SLC35F3: variants seen among roughly 807,000 people sequenced by gnomAD.
The protein encoded by SLC35F3 is solute carrier family 35 member F3.
Under a neutral mutation model 49.9 loss-of-function variants are expected in SLC35F3, and 25 were observed. The observed-to-expected ratio is 0.50, with a 90% CI of 0.37 to 0.70. The LOEUF is 0.70. Among genes scored for constraint, SLC35F3 ranks in the 30% least tolerant of loss-of-function variants. SLC35F3 has a pLI of 0.00. For missense variants in SLC35F3, 525 were observed against 639.8 expected, an observed-to-expected ratio of 0.82 and a Z score of 1.94; for synonymous variants, 275 against 265.4, an observed-to-expected ratio of 1.04 and a Z score of -0.35.
chr1:234,153,721 G>T (rs1282415665), intron 2 of SLC35F3, among the ~76,000 whole-genome samples: 1 of 152,104 alleles, frequency 6.6e-6, no homozygotes, highest in Admixed American at 6.5e-5. Flanking sequence ...GAGCCTAGGA[G>T]TTTGATACCA....
chr1:233,994,159 A>T (rs945231252), intron 2 of SLC35F3, among the ~76,000 whole-genome samples: 1 of 152,238 alleles, frequency 6.6e-6, no homozygotes, highest in African/African-American at 2.4e-5. Flanking sequence ...ATGCAGAGAC[A>T]GGCCAGTGGA....
At chr1:234,258,144 G>C (rs559286614) in intron 3 of SLC35F3, among the ~76,000 whole-genome samples, 1 of 152,324 alleles carries the variant, frequency 6.6e-6, no homozygotes, top group South Asian at 2.1e-4. Flanking sequence ...AAGCTTGGAG[G>C]CTATCTTCAA....
Position 234,323,324 on chromosome 1 carries a change from T to TATGTAC in SLC35F3, c.*82_*83insTGTACA. 2.4e-6 allele frequency: 3 copies of TATGTAC among 1,227,058 alleles called. No homozygotes were observed. Among genetic ancestry groups the TATGTAC allele is most frequent in the Non-Finnish European group, 3.5e-6 (3 of 866,014 alleles). 76.0% of individuals were successfully genotyped at this position (1,227,058 alleles called of 1,614,324 possible). The stretch of plus-strand genomic sequence containing the variant: ...GAACCTCAGTTGGGTAAGGTGTACA[T>TATGTAC]ACCTGTACAGTTTTGGTCATCTGCG... On this transcript the variant is annotated 3_prime_UTR_variant, in exon 8 of 8. Transcript: ENST00000366618. This position sits in a 1 kb window ranked among gnomAD's most constrained non-coding sequence, Gnocchi z 4.5.
chr1:234,187,483 G>T (rs1264741020), intron 2 of SLC35F3, among the ~76,000 whole-genome samples: 1 of 152,188 alleles, frequency 6.6e-6, no homozygotes, highest in African/African-American at 2.4e-5. Context: ...TCTGCTCCAA[G>T]AACTACTGCA....
intron 2 of SLC35F3, among the ~76,000 whole-genome samples, chr1:234,114,733 T>G (rs1665458674): frequency 6.6e-6 from 1 of 152,190 alleles, no homozygotes; most frequent in African/African-American, 2.4e-5. Context: ...TCTTGGACAT[T>G]TGGGGAAGAG....
chr1:234,113,191 C>G (rs746844835), intron 2 of SLC35F3, among the ~76,000 whole-genome samples: 2 of 152,216 alleles, frequency 1.3e-5, no homozygotes, highest in Non-Finnish European at 2.9e-5. Flanking sequence ...CATTTGTCCT[C>G]TCCGTCCAAC....
Position 234,214,724 on chromosome 1 carries a change from C to G in SLC35F3, c.284-16693C>G. On this transcript the variant is annotated intron_variant, in intron 2 of 7. Coordinates refer to ENST00000366618, the MANE Select transcript of SLC35F3 (RefSeq NM_173508.4). The surrounding 1 kb of genome is among the most constrained non-coding windows in gnomAD (Gnocchi z 8.0). ...CCGCAGTGCAGAGCGCCGCCGCCTG[C>G]GTGGGGGGATCTGGCAGCTTCAGGG... is the stretch of plus-strand genomic sequence containing the variant. 9.4e-7 allele frequency: 1 copy of G among 1,068,252 alleles called. No homozygotes were observed. The allele number at this position is 1,068,252 out of a possible 1,614,324, so 66.2% of individuals were successfully genotyped here.
intron 3 of SLC35F3, among the ~76,000 whole-genome samples, chr1:234,267,749 G>A (rs1434974084): frequency 6.6e-6 from 1 of 150,856 alleles, no homozygotes. Flanking sequence ...CGGGGCGGTT[G>A]CCAGGCAGAG....
At chr1:233,963,067 A>G (rs1297505670) in intron 2 of SLC35F3, among the ~76,000 whole-genome samples, 1 of 152,238 alleles carries the variant, frequency 6.6e-6, no homozygotes, top group Non-Finnish European at 1.5e-5. Flanking sequence ...AGAGACAAGC[A>G]TTAGCCCTGT....
At chr1:234,217,910 T>C (rs1304989505) in intron 2 of SLC35F3, among the ~76,000 whole-genome samples, 4 of 152,140 alleles carry the variant, frequency 2.6e-5, no homozygotes, top group Admixed American at 6.5e-5. Flanking sequence ...GGAGGCCTTA[T>C]GAGGCATCAC....
intron 3 of SLC35F3, among the ~76,000 whole-genome samples, chr1:234,271,635 C>T (rs1668108323): frequency 6.6e-6 from 1 of 152,176 alleles, no homozygotes. Context: ...AATAATAATA[C>T]ATTTGCCGAA....
intron 2 of SLC35F3, among the ~76,000 whole-genome samples, chr1:234,138,240 T>C (rs927003217): frequency 6.6e-6 from 1 of 152,214 alleles, no homozygotes. Context: ...TGTATCTCTA[T>C]AATACTTATC....
chr1:234,126,378 C>T (rs1472133483), intron 2 of SLC35F3, among the ~76,000 whole-genome samples: 1 of 152,138 alleles, frequency 6.6e-6, no homozygotes, highest in Non-Finnish European at 1.5e-5. Flanking sequence ...GTTACCGTTA[C>T]CCAGTTTCCA....
chr1:234,137,857 A>G (rs1665834404), intron 2 of SLC35F3, among the ~76,000 whole-genome samples: 2 of 152,128 alleles, frequency 1.3e-5, no homozygotes, highest in Non-Finnish European at 2.9e-5. Flanking sequence ...AAGGAAAGAG[A>G]AATGGTCCCC....
At chr1:234,056,356 T>C (rs73104502) in intron 2 of SLC35F3, among the ~76,000 whole-genome samples, 11,672 of 152,236 alleles carry the variant, frequency 0.077, 1,197 homozygotes, top group African/African-American at 0.23. Flanking sequence ...TGAAACATGT[T>C]TTTAATAGTT....
intron 2 of SLC35F3, among the ~76,000 whole-genome samples, chr1:234,226,958 CGT>C (rs1667294703): frequency 7.2e-6 from 1 of 138,908 alleles, no homozygotes; most frequent in Non-Finnish European, 1.5e-5. Context: ...TGCGCGCACG[CGT>C]GCACACACAC....
At position 234,214,258 on chromosome 1, in the gene SLC35F3, G is replaced by T. The variant is rs1667080690; in HGVS notation, c.284-17159G>T. 2 of 1,252,744 alleles carry T rather than the reference G, an allele frequency of 1.6e-6. No homozygotes were observed. The highest frequency in any genetic ancestry group is 4.4e-5 in the Admixed American group (1 of 22,774). 77.6% of individuals were successfully genotyped at this position (1,252,744 alleles called of 1,614,324 possible). ...CCTCCAAGTAGGAGGCTGTGCGCGCGTGTGTGTGGAGTGGCTGCGCGGCCG... is the reference window on the plus strand; with the variant it reads ...CCTCCAAGTAGGAGGCTGTGCGCGCTTGTGTGTGGAGTGGCTGCGCGGCCG... On this transcript the variant is annotated intron_variant, in intron 2 of 7. Coordinates refer to ENST00000366618, the MANE Select transcript of SLC35F3 (RefSeq NM_173508.4). This position sits in a 1 kb window ranked among gnomAD's most constrained non-coding sequence, Gnocchi z 8.0.
intron 2 of SLC35F3, among the ~76,000 whole-genome samples, chr1:233,971,955 G>A (rs912800204): frequency 1.3e-5 from 2 of 152,232 alleles, no homozygotes; most frequent in African/African-American, 4.8e-5. Flanking sequence ...ACAGCGTGCT[G>A]GCCTGCACAA....
intron 2 of SLC35F3, among the ~76,000 whole-genome samples, chr1:234,089,909 T>C (rs1421037566): frequency 6.6e-6 from 1 of 152,180 alleles, no homozygotes; most frequent in African/African-American, 2.4e-5. Context: ...GATAAAAAGA[T>C]ATACCAAGAT....
Sources: gnomAD v4.1 joint callset for allele counts (sites outside exome capture counted in the v4.1 genomes callset) on GRCh38, gnomAD v4.1.1 for gene constraint, Gnocchi (gnomAD v3.1) non-coding constraint, MANE v1.5 for transcripts, NCBI Gene and HGNC (gene_info 2026-07-23, HGNC 2026-07-21) for gene names.